Variants in LINGO2 observed in about 807,000 individuals in gnomAD.
The protein encoded by LINGO2 is leucine-rich repeat and immunoglobulin-like domain-containing nogo receptor-interacting protein 2.
LINGO2 carries 14 observed loss-of-function variants against 30.6 expected under a neutral mutation model. The ratio of observed to expected loss-of-function variants is 0.46; its 90% CI spans 0.30 to 0.72. LINGO2 has a LOEUF of 0.72. Among genes scored for constraint, LINGO2 ranks in the 30% least tolerant of loss-of-function variants. The probability of loss-of-function intolerance (pLI) is 0.07; values close to 1 mark genes in which losing one functional copy is unlikely to be tolerated. For missense variants in LINGO2, 729 were observed against 751.7 expected (o/e 0.97, Z 0.35); for synonymous variants, 317 against 288.5 (o/e 1.10, Z -1.00).
the LINGO2 span, among the ~76,000 whole-genome samples, chr9:28,784,959 A>G: frequency 6.6e-6 from 1 of 151,202 alleles, no homozygotes; most frequent in Non-Finnish European, 1.5e-5. Flanking sequence ...AAAAAAAAAA[A>G]AAGAATTGCA....
chr9:29,114,883 G>A, the LINGO2 span, among the ~76,000 whole-genome samples: 105 of 151,952 alleles, frequency 6.9e-4, no homozygotes, highest in East Asian at 0.017. Flanking sequence ...AGTTCTTTAC[G>A]GATGAACTAA....
chr9:28,322,748 T>C (rs1432301953), intron 3 of LINGO2, among the ~76,000 whole-genome samples: 1 of 152,174 alleles, frequency 6.6e-6, no homozygotes, highest in African/African-American at 2.4e-5. Context: ...GCAGAATATA[T>C]TTTCTCTCTA....
chr9:28,117,359 T>G (rs1298158995), intron 4 of LINGO2, among the ~76,000 whole-genome samples: 4 of 132,130 alleles, frequency 3.0e-5, no homozygotes, highest in Non-Finnish European at 6.5e-5. Context: ...TACTGCTGTC[T>G]TTTTGTTTGT....
chr9:28,574,535 T>G (rs1033623465), intron 1 of LINGO2, among the ~76,000 whole-genome samples: 14 of 152,210 alleles, frequency 9.2e-5, no homozygotes, highest in Non-Finnish European at 1.9e-4. Context: ...ACATAGTTAT[T>G]GAAGCCAAAA....
intron 1 of LINGO2, among the ~76,000 whole-genome samples, chr9:28,559,485 C>A (rs1320074567): frequency 1.3e-5 from 2 of 152,054 alleles, no homozygotes; most frequent in Admixed American, 6.6e-5. Flanking sequence ...GTAAGTCTTA[C>A]AGCTTGTAGT....
the LINGO2 span, among the ~76,000 whole-genome samples, chr9:28,692,871 T>A: frequency 6.6e-6 from 1 of 152,302 alleles, no homozygotes; most frequent in East Asian, 1.9e-4. Flanking sequence ...TGCCTTATAC[T>A]TTTAAAATCA....
chr9:28,649,980 C>T (rs1300844265), intron 1 of LINGO2, among the ~76,000 whole-genome samples: 1 of 151,410 alleles, frequency 6.6e-6, no homozygotes, highest in Non-Finnish European at 1.5e-5. Flanking sequence ...TGAGCCTTAC[C>T]CAGTGGAAGA....
the LINGO2 span, among the ~76,000 whole-genome samples, chr9:29,161,661 T>C: frequency 6.6e-6 from 1 of 152,154 alleles, no homozygotes; most frequent in Non-Finnish European, 1.5e-5. Flanking sequence ...TCTAACAATC[T>C]ACCAGATGAT....
intron 4 of LINGO2, among the ~76,000 whole-genome samples, chr9:28,051,302 C>A (rs547668893): frequency 6.6e-6 from 1 of 152,144 alleles, no homozygotes. Flanking sequence ...AAACATATGA[C>A]AAATCCCTCC....
chr9:28,602,611 G>T (rs1285971807), intron 1 of LINGO2, among the ~76,000 whole-genome samples: 4 of 152,146 alleles, frequency 2.6e-5, no homozygotes, highest in African/African-American at 9.6e-5. Flanking sequence ...CCAGAGAAAA[G>T]AAATATAGTA....
At chr9:28,243,548 T>C (rs10968411) in intron 4 of LINGO2, among the ~76,000 whole-genome samples, 30,688 of 150,716 alleles carry the variant, frequency 0.2, 3,507 homozygotes, top group East Asian at 0.32. Context: ...AGGATACCCA[T>C]CTCACGTGCA....
chr9:28,451,474 A>G (rs1470238043), intron 2 of LINGO2, among the ~76,000 whole-genome samples: 1 of 151,872 alleles, frequency 6.6e-6, no homozygotes, highest in African/African-American at 2.4e-5. Context: ...AAACAACTGA[A>G]GAAATTCAGC....
the LINGO2 span, among the ~76,000 whole-genome samples, chr9:29,054,404 C>T: frequency 6.6e-6 from 1 of 152,066 alleles, no homozygotes; most frequent in Non-Finnish European, 1.5e-5. Flanking sequence ...TTTTGAACTC[C>T]AAGTTTCTTT....
the LINGO2 span, among the ~76,000 whole-genome samples, chr9:28,813,059 C>A: frequency 1.7e-5 from 2 of 120,150 alleles, no homozygotes; most frequent in African/African-American, 6.1e-5. Flanking sequence ...AATTCTATAG[C>A]CTACTGCAGT....
chr9:28,067,377 G>A (rs903682441), intron 4 of LINGO2, among the ~76,000 whole-genome samples: 15 of 152,114 alleles, frequency 9.9e-5, no homozygotes, highest in African/African-American at 3.6e-4. Flanking sequence ...TACCCTTTCG[G>A]AATTGAATGC....
intron 2 of LINGO2, among the ~76,000 whole-genome samples, chr9:28,383,823 T>C (rs2134645136): frequency 6.6e-6 from 1 of 152,148 alleles, no homozygotes; most frequent in East Asian, 1.9e-4. Flanking sequence ...ATAAGGAAGC[T>C]CTGAATTGGA....
the LINGO2 span, among the ~76,000 whole-genome samples, chr9:28,769,001 G>T: frequency 6.6e-6 from 1 of 151,950 alleles, no homozygotes. Context: ...AATTTTTCAT[G>T]GGTTTTCTTC....
At chr9:28,078,693 A>G (rs1162844000) in intron 4 of LINGO2, among the ~76,000 whole-genome samples, 3 of 148,024 alleles carry the variant, frequency 2.0e-5, no homozygotes, top group East Asian at 3.9e-4. Flanking sequence ...TTAAAAATAC[A>G]AAATTAGCTG....
the LINGO2 span, among the ~76,000 whole-genome samples, chr9:29,052,288 A>G: frequency 6.6e-6 from 1 of 152,156 alleles, no homozygotes; most frequent in Non-Finnish European, 1.5e-5. Context: ...AATTACTGGA[A>G]ATGTTACTAA....
Sources: gnomAD v4.1 joint callset for allele counts (sites outside exome capture counted in the v4.1 genomes callset) on GRCh38, gnomAD v4.1.1 for gene constraint, MANE v1.5 for transcripts, NCBI Gene and HGNC (gene_info 2026-07-23, HGNC 2026-07-21) for gene names.